Variants in ZNF644 observed in about 807,000 individuals in gnomAD.
ZNF644 encodes the protein zinc finger motif enhancer binding protein 2.
In ZNF644, 20 loss-of-function variants were observed where a neutral mutation model predicts 108.0. The ratio of observed to expected loss-of-function variants is 0.19; its 90% CI spans 0.13 to 0.27. The LOEUF is 0.27. Among genes scored for constraint, ZNF644 ranks in the 10% least tolerant of loss-of-function variants. The probability of loss-of-function intolerance (pLI) is 1.00; values close to 1 mark genes in which losing one functional copy is unlikely to be tolerated. For synonymous variants in ZNF644, 542 were observed against 539.1 expected, an observed-to-expected ratio of 1.01 and a Z score of -0.08; for missense variants, 1,338 against 1,548.9, an observed-to-expected ratio of 0.86 and a Z score of 2.29.
At chr1:90,970,056 T>A (rs146081395) in intron 2 of ZNF644, among the ~76,000 whole-genome samples, 1 of 152,326 alleles carries the variant, frequency 6.6e-6, no homozygotes, top group Non-Finnish European at 1.5e-5. Flanking sequence ...TGCTGAGATG[T>A]GAGCAGAATA....
At chr1:90,947,176 A>C (rs924279555) in intron 2 of ZNF644, among the ~76,000 whole-genome samples, 1 of 152,238 alleles carries the variant, frequency 6.6e-6, no homozygotes, top group African/African-American at 2.4e-5. Flanking sequence ...AACTGGAAGA[A>C]GGCAATAAAT....
intron 2 of ZNF644, among the ~76,000 whole-genome samples, chr1:90,963,761 G>C (rs1654563749): frequency 6.6e-6 from 1 of 152,020 alleles, no homozygotes; most frequent in Non-Finnish European, 1.5e-5. Context: ...GTTAACCTGG[G>C]AAAGAAAAAA....
intron 2 of ZNF644, among the ~76,000 whole-genome samples, chr1:90,954,302 C>T (rs987902522): frequency 1.1e-4 from 17 of 152,192 alleles, no homozygotes; most frequent in Non-Finnish European, 1.0e-4. Context: ...ATTTTCACTA[C>T]GAGTAGACTC....
intron 4 of ZNF644, among the ~76,000 whole-genome samples, chr1:90,934,765 G>A (rs900785559): frequency 6.6e-6 from 1 of 152,122 alleles, no homozygotes; most frequent in Non-Finnish European, 1.5e-5. Flanking sequence ...GTCAACACAA[G>A]CCATTATTAA....
chr1:90,947,018 T>C (rs1652585378), intron 2 of ZNF644, among the ~76,000 whole-genome samples: 1 of 152,152 alleles, frequency 6.6e-6, no homozygotes, highest in Admixed American at 6.5e-5. Context: ...AGCAGGTAAC[T>C]GTGTGGATGA....
chr1:91,005,106 A>G (rs1364132077), intron 1 of ZNF644, among the ~76,000 whole-genome samples: 1 of 152,184 alleles, frequency 6.6e-6, no homozygotes. Flanking sequence ...TTGAGATTAA[A>G]TAGATACAAA....
At chr1:90,987,255 T>G (rs905196290) in intron 1 of ZNF644, among the ~76,000 whole-genome samples, 4 of 148,866 alleles carry the variant, frequency 2.7e-5, no homozygotes, top group African/African-American at 7.3e-5. Context: ...GGTTTTTTTT[T>G]TTTTTTTTTT....
At chr1:90,962,030 A>T (rs1466030855) in intron 2 of ZNF644, among the ~76,000 whole-genome samples, 1 of 152,112 alleles carries the variant, frequency 6.6e-6, no homozygotes, top group Non-Finnish European at 1.5e-5. Flanking sequence ...AAGTTATTTT[A>T]AAAAGTTCAA....
rs1208566473 is a variant in ZNF644 at position 90,936,856 on chromosome 1, A to G, written c.3688+629T>C. On this transcript the variant is annotated intron_variant, in intron 4 of 5. Coordinates refer to ENST00000337393, the MANE Select transcript of ZNF644 (RefSeq NM_201269.3). ...TAAGCTAAATCATCTGTCCTGTTCC[A>G]TTAGAGCACTATCTTAAAACCTAAA... is the stretch of plus-strand genomic sequence containing the variant. Among the ~76,000 whole-genome samples, 6 of 152,222 alleles carry G rather than the reference A, an allele frequency of 3.9e-5. No individual in the cohort carries two copies. The East Asian group carries it at 1.2e-3, about 29-fold the overall frequency.
At chr1:90,994,556 T>A (rs1163224795) in intron 1 of ZNF644, among the ~76,000 whole-genome samples, 2 of 152,050 alleles carry the variant, frequency 1.3e-5, no homozygotes, top group South Asian at 4.2e-4. Flanking sequence ...CCTGAAGGGA[T>A]TGAGGAAAAA....
In ZNF644 at chr1:90,925,715, C is replaced by T. The variant is rs184265866; in HGVS notation, c.3689-7561G>A. Among the ~76,000 whole-genome samples the T allele has an allele frequency of 7.9e-5, 12 of 151,892 alleles. No homozygotes were observed. In the East Asian group the frequency reaches 2.3e-3, roughly 29 times the overall value. The stretch of plus-strand genomic sequence containing the variant: ...CAAGATGTCAGTCAAAATAGATCAC[C>T]TTCCTTATGAAACCAATGAGCAGCA... On this transcript the variant is annotated intron_variant, in intron 4 of 5. Transcript: ENST00000337393.
chr1:91,002,612 G>T lies in ZNF644; in HGVS notation c.-18+19378C>A, dbSNP rs926050162. On this transcript the variant is annotated intron_variant, in intron 1 of 5. Transcript: ENST00000337393. The stretch of plus-strand genomic sequence containing the variant: ...CCTAGGCAATACCATTCAGGACACA[G>T]GCATGGGTAAAGACTTCATGTCTAA... 2.6e-5 allele frequency among the ~76,000 whole-genome samples: 4 copies of T among 152,144 alleles called. No individual in the cohort carries two copies. The South Asian group carries it at 8.3e-4, about 32-fold the overall frequency.
intron 2 of ZNF644, among the ~76,000 whole-genome samples, chr1:90,949,493 A>G (rs1378021377): frequency 1.3e-5 from 2 of 152,164 alleles, no homozygotes; most frequent in Non-Finnish European, 2.9e-5. Flanking sequence ...GAAACAAAAT[A>G]TATTAGTGTG....
intron 2 of ZNF644, among the ~76,000 whole-genome samples, chr1:90,955,917 T>G (rs1204054494): frequency 6.6e-6 from 1 of 152,252 alleles, no homozygotes; most frequent in Non-Finnish European, 1.5e-5. Flanking sequence ...TCTTGTATAA[T>G]GCCTTCCTCA....
chr1:90,922,810 C>A (rs562244043), intron 4 of ZNF644, among the ~76,000 whole-genome samples: 33 of 151,992 alleles, frequency 2.2e-4, no homozygotes, highest in Non-Finnish European at 1.2e-4. Flanking sequence ...GTTGTTTAGC[C>A]CCTACTTATA....
chr1:90,957,029 G>A (rs557052343), intron 2 of ZNF644, among the ~76,000 whole-genome samples: 16 of 152,048 alleles, frequency 1.1e-4, no homozygotes, highest in Non-Finnish European at 2.1e-4. Context: ...ATAACTGGAT[G>A]CCAAAAAATT....
intron 1 of ZNF644, among the ~76,000 whole-genome samples, chr1:91,006,832 C>T (rs957646703): frequency 1.3e-5 from 2 of 152,110 alleles, no homozygotes; most frequent in African/African-American, 2.4e-5. Flanking sequence ...TTTGATGGAG[C>T]CTGTGCCTTC....
intron 1 of ZNF644, among the ~76,000 whole-genome samples, chr1:90,985,271 T>G (rs368845072): frequency 1.8e-4 from 27 of 152,346 alleles, no homozygotes; most frequent in African/African-American, 6.3e-4. Context: ...GATTAATTCA[T>G]GCTAATTAAC....
chr1:90,935,856 T>C (rs923660625), intron 4 of ZNF644, among the ~76,000 whole-genome samples: 1 of 152,200 alleles, frequency 6.6e-6, no homozygotes, highest in African/African-American at 2.4e-5. Context: ...ATCCTGTGAT[T>C]TGAACAACAC....
Sources: gnomAD v4.1 joint callset for allele counts (sites outside exome capture counted in the v4.1 genomes callset) on GRCh38, gnomAD v4.1.1 for gene constraint, MANE v1.5 for transcripts, NCBI Gene and HGNC (gene_info 2026-07-23, HGNC 2026-07-21) for gene names.